Variants in MGRN1 observed in about 807,000 individuals in gnomAD.
MGRN1 encodes the protein E3 ubiquitin-protein ligase MGRN1.
Under a neutral mutation model 69.2 loss-of-function variants are expected in MGRN1, and 29 were observed. The ratio of observed to expected loss-of-function variants is 0.42; its 90% CI spans 0.31 to 0.57. The LOEUF (loss-of-function observed/expected upper bound fraction) is 0.57. MGRN1 is among the 20% of genes least tolerant of loss of function. The pLI is 0.15. For missense variants in MGRN1, 998 were observed against 796.2 expected (o/e 1.25, Z -3.05); for synonymous variants, 470 against 344.2 (o/e 1.37, Z -4.04).
chr16:4,649,445 C>T (rs2078352820), intron 1 of MGRN1: 2 of 152,184 alleles, frequency 1.3e-5, no homozygotes, highest in South Asian at 4.1e-4. Context: ...TCTTCCTTAC[C>T]TCTCCCCACT....
rs374852484 is a variant in MGRN1 at position 4,650,473 on chromosome 16, G to A, written c.197G>A (p.Arg66His). 34 of 1,613,044 alleles carry A rather than the reference G, an allele frequency of 2.1e-5. No homozygotes were observed. Among genetic ancestry groups the A allele is most frequent in the East Asian group, 4.5e-5 (2 of 44,878 alleles). ...ATGGATCTGAACTTCCTGGGCAGCC[G>A]CCCGGTCCAGGTGGGTCTGGACAGG... ...ENMDLNFLGS[R>H]PVQFPYVTPA... is the part of the protein sequence containing the mutation. The change falls in exon 2 of 17, where the codon CGC becomes CAC. Residue 66 changes from arginine (R) to histidine (H), a missense_variant. By Grantham distance (29) the Arg-to-His change is conservative. Coordinates refer to ENST00000262370, the MANE Select transcript of MGRN1 (RefSeq NM_015246.4).
At chr16:4,673,865 C>G (rs1251580886) in intron 10 of MGRN1, among the ~76,000 whole-genome samples, 3 of 152,222 alleles carry the variant, frequency 2.0e-5, no homozygotes, top group Non-Finnish European at 2.9e-5. Flanking sequence ...ACGGGGCATT[C>G]AGATCTTCAC....
intron 7 of MGRN1, among the ~76,000 whole-genome samples, chr16:4,667,346 C>A (rs2078828412): frequency 6.6e-6 from 1 of 152,198 alleles, no homozygotes; most frequent in Non-Finnish European, 1.5e-5. Context: ...TCTGTTCTCT[C>A]CCGGGTCCAG....
intron 7 of MGRN1, 126 bp from the exon 8 acceptor site, chr16:4,668,135 TTTTC>T (rs1372648416): frequency 1.6e-6 from 1 of 624,964 alleles, no homozygotes; most frequent in Non-Finnish European, 2.6e-6. Context: ...TTTTTTTTTT[TTTTC>T]TTTTTTCTTT....
chr16:4,675,770 A>T (rs1031582914), intron 10 of MGRN1, among the ~76,000 whole-genome samples: 6 of 152,146 alleles, frequency 3.9e-5, no homozygotes, highest in Non-Finnish European at 8.8e-5. Flanking sequence ...AGTGAAAACA[A>T]AGTATGCTGG....
rs145280032 is a variant in MGRN1, at chr16:4,666,225, T to C, written c.678+1074T>C. Among the ~76,000 whole-genome samples, 749 of 152,226 alleles carry C rather than the reference T, an allele frequency of 4.9e-3. 4 individuals carry two copies. Among genetic ancestry groups the C allele is most frequent in the African/African-American group, 0.017 (709 of 41,520 alleles). On this transcript the variant is annotated intron_variant, in intron 7 of 16. Transcript: ENST00000262370. The stretch of plus-strand genomic sequence containing the variant: ...TCGCTGCAGCCTTGACCTCCTGGGC[T>C]TAAGGAGATCCTCCCACTTCAGCCT...
At chr16:4,645,688 G>A (rs1471840921) in intron 1 of MGRN1, among the ~76,000 whole-genome samples, 4 of 152,174 alleles carry the variant, frequency 2.6e-5, no homozygotes, top group African/African-American at 4.8e-5. Context: ...TGGAGCTCCA[G>A]GGAAGAGCTG....
chr16:4,666,326 C>T (rs1162366206), intron 7 of MGRN1, among the ~76,000 whole-genome samples: 2 of 152,100 alleles, frequency 1.3e-5, no homozygotes, highest in East Asian at 3.9e-4. Context: ...GAGAAGAGGT[C>T]TCGCTATGTT....
Position 4,683,836 on chromosome 16 carries a change from C to G in MGRN1, c.1529-7C>G. The G allele has an allele frequency of 6.2e-7, 1 of 1,612,182 alleles. No homozygotes were observed. Among genetic ancestry groups the G allele is most frequent in the Middle Eastern group, 1.7e-4 (1 of 6,056 alleles). On this transcript the variant is annotated splice_polypyrimidine_tract_variant and splice_region_variant and intron_variant, in intron 15 of 16. Coordinates refer to ENST00000262370, the MANE Select transcript of MGRN1 (RefSeq NM_015246.4). ...TGTAGGTCCCTAACCTCACCCTCTGCCTGCAGGGACCCGAGCAGCTTCCAT... is the reference window on the plus strand; with the variant it reads ...TGTAGGTCCCTAACCTCACCCTCTGGCTGCAGGGACCCGAGCAGCTTCCAT...
chr16:4,652,967 G>C, intron 4 of MGRN1, 143 bp downstream of exon 4: 1 of 1,161,136 alleles, frequency 8.6e-7, no homozygotes, highest in East Asian at 3.0e-5. Flanking sequence ...CGATGTGAGG[G>C]GTTTCTCCCA....
intron 16 of MGRN1, chr16:4,687,101 G>T (rs761505162): frequency 2.0e-6 from 2 of 985,420 alleles, no homozygotes; most frequent in Non-Finnish European, 2.4e-6. Context: ...GGCTGCCTTT[G>T]TGCCATGAGC....
At chr16:4,682,756 C>T in intron 13 of MGRN1, 67 bp from the exon 14 acceptor site, 1 of 1,441,374 alleles carries the variant, frequency 6.9e-7, no homozygotes, top group African/African-American at 1.4e-5. Context: ...CCCTGCATGG[C>T]TTTGGCAGGG....
chr16:4,632,682 C>G (rs1404847951), intron 1 of MGRN1, among the ~76,000 whole-genome samples: 1 of 152,202 alleles, frequency 6.6e-6, no homozygotes, highest in Non-Finnish European at 1.5e-5. Context: ...GCATGAGCCA[C>G]CGTGCCGGGA....
intron 15 of MGRN1, 74 bp from the exon 16 acceptor site, chr16:4,683,769 G>A (rs2079243597): frequency 2.2e-6 from 3 of 1,338,176 alleles, no homozygotes; most frequent in Non-Finnish European, 3.1e-6. Context: ...TAAGAGAGAC[G>A]GCCTCCTGCC....
intron 9 of MGRN1, 49 bp from the exon 10 acceptor site, chr16:4,673,449 T>A: frequency 6.3e-7 from 1 of 1,592,934 alleles, no homozygotes; most frequent in African/African-American, 1.3e-5. Context: ...GCAGGAGCCG[T>A]ACTCTGGCCT....
intron 16 of MGRN1, chr16:4,687,674 C>T (rs2079363084): frequency 1.1e-5 from 11 of 985,456 alleles, no homozygotes; most frequent in Non-Finnish European, 1.3e-5. Context: ...TGGGGACCCT[C>T]TGCCTTCCCA....
chr16:4,674,319 C>T (rs183606822), intron 10 of MGRN1, among the ~76,000 whole-genome samples: 12 of 151,984 alleles, frequency 7.9e-5, no homozygotes, highest in Admixed American at 2.0e-4. Context: ...GATAGAGTCT[C>T]GCTCTGTCAC....
At chr16:4,678,726 T>A (rs2141967724) in intron 11 of MGRN1, among the ~76,000 whole-genome samples, 1 of 152,348 alleles carries the variant, frequency 6.6e-6, no homozygotes, top group South Asian at 2.1e-4. Flanking sequence ...ATTGAGTGCC[T>A]TTCTTGGCTC....
chr16:4,627,570 A>C lies in MGRN1; in HGVS notation c.88+2522A>C, dbSNP rs142796821. On this transcript the variant is annotated intron_variant, in intron 1 of 16. Coordinates refer to ENST00000262370, the MANE Select transcript of MGRN1 (RefSeq NM_015246.4). Reference sequence around the variant, plus strand: ...TGGGAGGCCAAGGCGGGCGGATCACAAGGTCAGGAGATGGAGACCATCCTG... The same window carrying C: ...TGGGAGGCCAAGGCGGGCGGATCACCAGGTCAGGAGATGGAGACCATCCTG... Among the ~76,000 whole-genome samples, 7 of 151,914 alleles carry C rather than the reference A, an allele frequency of 4.6e-5. No homozygotes were observed. The South Asian group carries it at 1.2e-3, about 27-fold the overall frequency.
Sources: gnomAD v4.1 joint callset for allele counts (sites outside exome capture counted in the v4.1 genomes callset) on GRCh38, gnomAD v4.1.1 for gene constraint, MANE v1.5 for transcripts, NCBI Gene and HGNC (gene_info 2026-07-23, HGNC 2026-07-21) for gene names.